SGCZ: variants seen among roughly 807,000 people sequenced by gnomAD.
SGCZ encodes the protein zeta-sarcoglycan.
SGCZ carries 40 observed loss-of-function variants against 41.3 expected under a neutral mutation model. The ratio of observed to expected loss-of-function variants is 0.97; its 90% CI spans 0.75 to 1.26. The LOEUF is 1.26. Among genes scored for constraint, SGCZ ranks in the 50% most tolerant of loss-of-function variants. The pLI, the probability that SGCZ is intolerant of heterozygous loss-of-function variation, is 0.00. For missense variants in SGCZ, 552 were observed against 369.8 expected (o/e 1.49, Z -4.04); for synonymous variants, 206 against 137.5 (o/e 1.50, Z -3.49).
At chr8:14,286,505 T>C (rs1800636412) in intron 3 of SGCZ, among the ~76,000 whole-genome samples, 1 of 151,998 alleles carries the variant, frequency 6.6e-6, no homozygotes, top group South Asian at 2.1e-4. Context: ...TGTTGAAGAG[T>C]GTTCTGAGGT....
At chr8:14,247,925 A>G (rs1799162307) in intron 3 of SGCZ, among the ~76,000 whole-genome samples, 1 of 152,204 alleles carries the variant, frequency 6.6e-6, no homozygotes, top group Admixed American at 6.5e-5. Flanking sequence ...AGAAATGTAC[A>G]GCATATGTGA....
chr8:14,381,268 G>T lies in SGCZ; in HGVS notation c.235-57064C>A, dbSNP rs111543835. Among the ~76,000 whole-genome samples the T allele has an allele frequency of 7.3e-3, 1,108 of 152,286 alleles. 19 individuals are homozygous for T. Among genetic ancestry groups the T allele is most frequent in the African/African-American group, 0.025 (1,049 of 41,558 alleles). On this transcript the variant is annotated intron_variant, in intron 2 of 7. Coordinates refer to ENST00000382080, the MANE Select transcript of SGCZ (RefSeq NM_139167.4). The stretch of plus-strand genomic sequence containing the variant: ...AAAGACATATATAATTCAATCCTTA[G>T]CAACAGCTAGGAAGGTTCAGAGAGA...
At chr8:14,768,796 A>G (rs1478652712) in intron 1 of SGCZ, among the ~76,000 whole-genome samples, 1 of 151,982 alleles carries the variant, frequency 6.6e-6, no homozygotes, top group African/African-American at 2.4e-5. Flanking sequence ...ATATGAAACG[A>G]GTCTCTGCTT....
intron 1 of SGCZ, among the ~76,000 whole-genome samples, chr8:15,195,096 G>GT (rs150110837): frequency 0.052 from 7,959 of 152,190 alleles, 256 homozygotes; most frequent in Non-Finnish European, 0.069. Context: ...TCAAGATTTA[G>GT]TTTTTTCTGA....
At chr8:15,200,226 G>C (rs1800849432) in intron 1 of SGCZ, among the ~76,000 whole-genome samples, 1 of 152,154 alleles carries the variant, frequency 6.6e-6, no homozygotes, top group Non-Finnish European at 1.5e-5. Context: ...TGTAGCTTTG[G>C]ACTCATTAAA....
At chr8:14,753,481 A>G (rs1032814204) in intron 1 of SGCZ, among the ~76,000 whole-genome samples, 1 of 152,212 alleles carries the variant, frequency 6.6e-6, no homozygotes, top group African/African-American at 2.4e-5. Flanking sequence ...AATTTTTCAA[A>G]TATGCATAAG....
chr8:14,104,750 T>A (rs1802149415), intron 6 of SGCZ, among the ~76,000 whole-genome samples: 1 of 152,086 alleles, frequency 6.6e-6, no homozygotes, highest in South Asian at 2.1e-4. Flanking sequence ...TATTTATTAA[T>A]GATGTGTATT....
chr8:14,515,808 T>A (rs553894279), intron 2 of SGCZ, among the ~76,000 whole-genome samples: 1 of 152,118 alleles, frequency 6.6e-6, no homozygotes, highest in African/African-American at 2.4e-5. Flanking sequence ...CTACATCATT[T>A]ATTGCATAAA....
At chr8:14,292,257 C>A (rs1350293478) in intron 3 of SGCZ, among the ~76,000 whole-genome samples, 1 of 151,866 alleles carries the variant, frequency 6.6e-6, no homozygotes, top group South Asian at 2.1e-4. Flanking sequence ...AGTACATATA[C>A]AAGTGTGATG....
intron 2 of SGCZ, among the ~76,000 whole-genome samples, chr8:14,500,154 T>C (rs559331875): frequency 1.3e-5 from 2 of 152,158 alleles, no homozygotes; most frequent in East Asian, 3.9e-4. Context: ...CTTGAATTTC[T>C]TGTTTCATAC....
At chr8:14,217,422 A>T (rs1806038180) in intron 4 of SGCZ, among the ~76,000 whole-genome samples, 1 of 151,658 alleles carries the variant, frequency 6.6e-6, no homozygotes, top group Non-Finnish European at 1.5e-5. Context: ...TGGCATAGAT[A>T]TTGTATGGTA....
intron 2 of SGCZ, among the ~76,000 whole-genome samples, chr8:14,478,619 A>C (rs1056585248): frequency 8.5e-5 from 13 of 152,162 alleles, no homozygotes; most frequent in Non-Finnish European, 5.9e-5. Context: ...TATTGTGTTC[A>C]GATTTTTTAA....
chr8:14,401,293 TTTAA>T (rs759809397), intron 2 of SGCZ, among the ~76,000 whole-genome samples: 46 of 151,910 alleles, frequency 3.0e-4, no homozygotes, highest in Admixed American at 1.4e-3. Context: ...TTTTTTTTTC[TTTAA>T]TTATTATACT....
chr8:14,621,466 TG>T (rs1806283049), intron 1 of SGCZ, among the ~76,000 whole-genome samples: 1 of 151,302 alleles, frequency 6.6e-6, no homozygotes. Context: ...AAAGATTCCT[TG>T]GGAAGCACAA....
chr8:14,147,620 CTT>C (rs1803566714), intron 5 of SGCZ, among the ~76,000 whole-genome samples: 1 of 152,074 alleles, frequency 6.6e-6, no homozygotes, highest in East Asian at 1.9e-4. Context: ...TAACTGGAAA[CTT>C]TAACACCCCA....
chr8:14,374,396 C>T (rs752200642), intron 2 of SGCZ, among the ~76,000 whole-genome samples: 1 of 151,850 alleles, frequency 6.6e-6, no homozygotes, highest in Non-Finnish European at 1.5e-5. Context: ...TTTTTAGGAA[C>T]AAAAGGGAAA....
At chr8:15,133,430 G>T (rs1323038248) in intron 1 of SGCZ, among the ~76,000 whole-genome samples, 1 of 152,146 alleles carries the variant, frequency 6.6e-6, no homozygotes, top group Non-Finnish European at 1.5e-5. Context: ...ATAGCCCTCA[G>T]TGAAAATCTT....
At chr8:14,854,047 A>ATC (rs1229514510) in intron 1 of SGCZ, among the ~76,000 whole-genome samples, 1 of 139,742 alleles carries the variant, frequency 7.2e-6, no homozygotes, top group Admixed American at 7.1e-5. Context: ...ATATATATAT[A>ATC]TATATATATC....
chr8:14,650,546 C>A (rs1425193396), intron 1 of SGCZ, among the ~76,000 whole-genome samples: 1 of 151,872 alleles, frequency 6.6e-6, no homozygotes, highest in Non-Finnish European at 1.5e-5. Context: ...CTGCTGTTTC[C>A]CTCTTTGTGT....
Sources: allele counts gnomAD v4.1 joint callset (sites outside exome capture counted in the v4.1 genomes callset), GRCh38; gene constraint gnomAD v4.1.1; transcripts MANE v1.5; gene names NCBI Gene and HGNC (gene_info 2026-07-23, HGNC 2026-07-21).